Variants in ELP3 observed in about 807,000 individuals in gnomAD.
The protein encoded by ELP3 is elongator complex protein 3.
ELP3 carries 56 observed loss-of-function variants against 74.9 expected under a neutral mutation model. That is an observed-to-expected ratio of 0.75 (90% confidence interval 0.60 to 0.93). ELP3 has a LOEUF of 0.93. ELP3 is among the 40% of genes least tolerant of loss of function. ELP3 has a pLI of 0.00. For synonymous variants in ELP3, 222 were observed against 239.8 expected (o/e 0.93, Z 0.68); for missense variants, 573 against 686.5 (o/e 0.83, Z 1.85).
At chr8:28,162,211 G>T in intron 14 of ELP3, 133 bp downstream of exon 14, 1 of 888,054 alleles carries the variant, frequency 1.1e-6, no homozygotes, top group Non-Finnish European at 1.8e-6. Context: ...GACTGGCGAA[G>T]GACTTGTGCT....
intron 9 of ELP3, among the ~76,000 whole-genome samples, chr8:28,134,257 C>T (rs1054580535): frequency 2.6e-5 from 4 of 152,160 alleles, no homozygotes; most frequent in Non-Finnish European, 5.9e-5. Context: ...TAGTATGTTT[C>T]ATACTGTAGG....
intron 2 of ELP3, among the ~76,000 whole-genome samples, chr8:28,099,323 A>C (rs960905690): frequency 1.3e-5 from 2 of 151,968 alleles, no homozygotes; most frequent in African/African-American, 4.8e-5. Context: ...GTTGTCAACC[A>C]GGGGTGATTT....
At chr8:28,168,641 G>A (rs934117697) in intron 14 of ELP3, among the ~76,000 whole-genome samples, 3 of 152,160 alleles carry the variant, frequency 2.0e-5, no homozygotes, top group Non-Finnish European at 4.4e-5. Context: ...TTCTGAGGAA[G>A]CAAGCCCTCT....
intron 8 of ELP3, among the ~76,000 whole-genome samples, chr8:28,130,234 A>T (rs1331947282): frequency 6.6e-6 from 1 of 152,250 alleles, no homozygotes; most frequent in African/African-American, 2.4e-5. Context: ...CTTCACAGTT[A>T]ATTGCTAAAT....
intron 3 of ELP3, among the ~76,000 whole-genome samples, chr8:28,105,189 C>A (rs1391477185): frequency 6.6e-6 from 1 of 151,894 alleles, no homozygotes; most frequent in Non-Finnish European, 1.5e-5. Flanking sequence ...TGAGATCAGC[C>A]TGGCCAACAT....
chr8:28,158,527 TC>T, intron 11 of ELP3, 40 bp from the exon 12 acceptor site: 2 of 1,213,184 alleles, frequency 1.6e-6, no homozygotes, highest in Non-Finnish European at 2.4e-6. Context: ...TTTGTACCCC[TC>T]CCACCCCCCA....
chr8:28,187,561 AGTGCAC>A (rs1283662824), intron 14 of ELP3, among the ~76,000 whole-genome samples: 2 of 152,158 alleles, frequency 1.3e-5, no homozygotes, highest in African/African-American at 4.8e-5. Context: ...GAGTAAGTTG[AGTGCAC>A]GCCCGTCTCA....
At chr8:28,172,584 T>A (rs1814572545) in intron 14 of ELP3, among the ~76,000 whole-genome samples, 2 of 152,112 alleles carry the variant, frequency 1.3e-5, no homozygotes, top group Non-Finnish European at 2.9e-5. Flanking sequence ...TAAGGTCATG[T>A]CATCTTGAAT....
intron 14 of ELP3, among the ~76,000 whole-genome samples, chr8:28,173,764 A>G (rs1814629912): frequency 6.6e-6 from 1 of 151,796 alleles, no homozygotes; most frequent in East Asian, 1.9e-4. Context: ...CCCTCTGAGC[A>G]CTGTTTTTGC....
At chr8:28,186,387 G>A (rs182255741) in intron 14 of ELP3, among the ~76,000 whole-genome samples, 11 of 152,280 alleles carry the variant, frequency 7.2e-5, no homozygotes, top group Admixed American at 7.2e-4. Context: ...GAAGCTTTGG[G>A]ACTGATTAAT....
At chr8:28,162,306 T>G (rs1814131318) in intron 14 of ELP3, among the ~76,000 whole-genome samples, 1 of 152,182 alleles carries the variant, frequency 6.6e-6, no homozygotes, top group South Asian at 2.1e-4. Context: ...TATGCCCTCT[T>G]CTGCACTCTC....
At chr8:28,172,398 C>T (rs551574215) in intron 14 of ELP3, among the ~76,000 whole-genome samples, 2 of 152,044 alleles carry the variant, frequency 1.3e-5, no homozygotes, top group Admixed American at 6.5e-5. Flanking sequence ...ATATTTTATT[C>T]TTTTGATGCT....
chr8:28,118,697 A>T (rs1051833115), intron 7 of ELP3, among the ~76,000 whole-genome samples: 5 of 152,312 alleles, frequency 3.3e-5, no homozygotes, highest in African/African-American at 1.2e-4. Flanking sequence ...ACAACCTTTT[A>T]AAATAGTTTT....
At chr8:28,144,070 A>G (rs1373690636) in intron 10 of ELP3, among the ~76,000 whole-genome samples, 1 of 152,160 alleles carries the variant, frequency 6.6e-6, no homozygotes, top group Non-Finnish European at 1.5e-5. Flanking sequence ...GTTTCTTCTT[A>G]CATCAGTTGT....
chr8:28,165,437 A>G (rs1340435095), intron 14 of ELP3, among the ~76,000 whole-genome samples: 2 of 152,260 alleles, frequency 1.3e-5, no homozygotes, highest in East Asian at 1.9e-4. Context: ...AACTGGTGAT[A>G]CTGTTTGACC....
At chr8:28,146,526 G>A (rs907435549) in intron 10 of ELP3, among the ~76,000 whole-genome samples, 15 of 152,200 alleles carry the variant, frequency 9.9e-5, no homozygotes, top group African/African-American at 3.6e-4. Context: ...GGCCAAGAAA[G>A]TGGAACTAGA....
At chr8:28,106,842 C>T (rs1811717416) in intron 4 of ELP3, 59 bp downstream of exon 4, 2 of 1,308,508 alleles carry the variant, frequency 1.5e-6, no homozygotes, top group Non-Finnish European at 2.2e-6. Context: ...AATATGCCCC[C>T]TCTAGCCCTT....
At chr8:28,133,107 A>G (rs971467660) in intron 9 of ELP3, among the ~76,000 whole-genome samples, 4 of 152,196 alleles carry the variant, frequency 2.6e-5, no homozygotes, top group African/African-American at 9.6e-5. Flanking sequence ...TTATAGATGC[A>G]TATGCACATA....
At chr8:28,151,681 C>T (rs531737804) in intron 10 of ELP3, among the ~76,000 whole-genome samples, 10 of 152,284 alleles carry the variant, frequency 6.6e-5, no homozygotes, top group African/African-American at 1.7e-4. Flanking sequence ...GTTTTTCCTA[C>T]GCCCTTAGAT....
Sources: allele counts gnomAD v4.1 joint callset (sites outside exome capture counted in the v4.1 genomes callset), GRCh38; gene constraint gnomAD v4.1.1; transcripts MANE v1.5; gene names NCBI Gene and HGNC (gene_info 2026-07-23, HGNC 2026-07-21).